The following NRDC variants were observed in gnomAD, a reference collection of about 807,000 sequenced individuals.
NRDC encodes nardilysin.
In NRDC, 54 loss-of-function variants were observed where a neutral mutation model predicts 147.1. That is an observed-to-expected ratio of 0.37 (90% CI 0.29 to 0.46). The LOEUF (loss-of-function observed/expected upper bound fraction) is 0.46, where lower values mean the gene tolerates loss of function less well. Ranked by LOEUF, NRDC falls within the 20% of genes least tolerant of loss-of-function variation. The pLI is 1.00. For missense variants in NRDC, 1,082 were observed against 1,370.6 expected (o/e 0.79, Z 3.33); for synonymous variants, 440 against 482.1 (o/e 0.91, Z 1.14).
intron 20 of NRDC, among the ~76,000 whole-genome samples, chr1:51,803,497 A>G (rs999369724): frequency 6.7e-6 from 1 of 148,402 alleles, no homozygotes; most frequent in Non-Finnish European, 1.5e-5. Flanking sequence ...AAAAAAGGTT[A>G]TTCCTGTATG....
At chr1:51,797,215 T>A (rs1370431430) in intron 22 of NRDC, among the ~76,000 whole-genome samples, 1 of 151,836 alleles carries the variant, frequency 6.6e-6, no homozygotes. Context: ...AAAAAAGGGG[T>A]ACAGTTCAAT....
intron 1 of NRDC, among the ~76,000 whole-genome samples, chr1:51,863,744 T>C (rs865975244): frequency 6.6e-6 from 1 of 152,172 alleles, no homozygotes; most frequent in Non-Finnish European, 1.5e-5. Context: ...ATCTATTTAA[T>C]CTATAATAAT....
At chr1:51,866,951 T>C (rs1387661058) in intron 1 of NRDC, among the ~76,000 whole-genome samples, 2 of 152,174 alleles carry the variant, frequency 1.3e-5, no homozygotes, top group Non-Finnish European at 2.9e-5. Context: ...TGTTTCTATA[T>C]ATATGTATGT....
intron 14 of NRDC, among the ~76,000 whole-genome samples, chr1:51,812,487 C>T (rs1457075941): frequency 6.6e-6 from 1 of 151,884 alleles, no homozygotes; most frequent in African/African-American, 2.4e-5. Context: ...GAGATCGTGC[C>T]ACCATACTCC....
intron 19 of NRDC, among the ~76,000 whole-genome samples, 163 bp from the exon 20 acceptor site, chr1:51,804,127 TGTATTACA>T (rs1214646462): frequency 6.6e-6 from 1 of 152,182 alleles, no homozygotes. Context: ...GTTTCAGAGG[TGTATTACA>T]GAATTCCTAC....
intron 22 of NRDC, 197 bp downstream of exon 22, chr1:51,798,052 G>T: frequency 1.9e-6 from 1 of 527,826 alleles, no homozygotes; most frequent in Non-Finnish European, 3.3e-6. Context: ...TTACAGGCGT[G>T]AGCCATCATT....
At chr1:51,797,967 A>G (rs1285866989) in intron 22 of NRDC, 7 of 303,744 alleles carry the variant, frequency 2.3e-5, no homozygotes, top group Admixed American at 2.3e-4. Flanking sequence ...ATGAGTTCTC[A>G]CTGTGTTGCC....
chr1:51,793,201 G>C (rs1678733778), intron 24 of NRDC, among the ~76,000 whole-genome samples: 1 of 152,244 alleles, frequency 6.6e-6, no homozygotes, highest in South Asian at 2.1e-4. Flanking sequence ...GTTTGTATTA[G>C]AAGCTAGTGC....
intron 11 of NRDC, chr1:51,816,087 T>C (rs1469052719): frequency 3.7e-6 from 1 of 269,382 alleles, no homozygotes; most frequent in East Asian, 6.8e-5. Context: ...AAATTTTGTG[T>C]ACAAATAACT....
At chr1:51,850,700 CAGCAAAAGGATCTGCGGGCACACAG>C (rs1681905655) in intron 1 of NRDC, among the ~76,000 whole-genome samples, 1 of 152,166 alleles carries the variant, frequency 6.6e-6, no homozygotes, top group Non-Finnish European at 1.5e-5. Context: ...CCTGAACTCC[CAGCAAAAGGATCTGCGGGCACACAG>C]ACCTCAGATA....
chr1:51,790,780 A>G (rs1030508860), intron 28 of NRDC, 120 bp downstream of exon 28: 1 of 963,784 alleles, frequency 1.0e-6, no homozygotes, highest in Non-Finnish European at 1.6e-6. Flanking sequence ...CTAGGGAGAC[A>G]CTATTGTAAG....
chr1:51,867,313 C>G (rs1682859669), intron 1 of NRDC, among the ~76,000 whole-genome samples: 1 of 151,914 alleles, frequency 6.6e-6, no homozygotes, highest in Non-Finnish European at 1.5e-5. Context: ...AAGCAGTAAA[C>G]AAAACTAATT....
chr1:51,814,329 C>A, intron 13 of NRDC: 1 of 574,530 alleles, frequency 1.7e-6, no homozygotes, highest in East Asian at 2.8e-5. Context: ...GAAGCATCAA[C>A]AATAAAAGAG....
intron 2 of NRDC, chr1:51,837,647 T>A: frequency 6.8e-7 from 1 of 1,467,200 alleles, no homozygotes; most frequent in East Asian, 2.4e-5. Flanking sequence ...TACTTGAGAA[T>A]TTTCTACCTA....
At chr1:51,857,156 T>C (rs1682294234) in intron 1 of NRDC, among the ~76,000 whole-genome samples, 1 of 152,232 alleles carries the variant, frequency 6.6e-6, no homozygotes, top group Admixed American at 6.5e-5. Flanking sequence ...TAAAGGTTTC[T>C]CTGTACACAG....
chr1:51,857,058 A>T (rs1353917031), intron 1 of NRDC, among the ~76,000 whole-genome samples: 1 of 152,242 alleles, frequency 6.6e-6, no homozygotes, highest in Non-Finnish European at 1.5e-5. Flanking sequence ...GTTACAAGAC[A>T]GGAACAGTGG....
At chr1:51,825,593 CAG>C (rs1223090514) in intron 5 of NRDC, among the ~76,000 whole-genome samples, 1 of 152,140 alleles carries the variant, frequency 6.6e-6, no homozygotes, top group African/African-American at 2.4e-5. Flanking sequence ...TTCAGCTTAC[CAG>C]AGTCTTACTC....
intron 1 of NRDC, among the ~76,000 whole-genome samples, chr1:51,843,706 A>T (rs990469586): frequency 6.6e-6 from 1 of 152,186 alleles, no homozygotes; most frequent in African/African-American, 2.4e-5. Context: ...TCCCTTACAC[A>T]ACCCAACAGC....
intron 22 of NRDC, among the ~76,000 whole-genome samples, chr1:51,796,407 G>T: frequency 6.6e-6 from 1 of 151,202 alleles, no homozygotes; most frequent in East Asian, 2.0e-4. Context: ...ACCTGGCTAA[G>T]TTTTGCATTT....
Sources: allele counts gnomAD v4.1 joint callset (sites outside exome capture counted in the v4.1 genomes callset), GRCh38; gene constraint gnomAD v4.1.1; transcripts MANE v1.5; gene names NCBI Gene and HGNC (gene_info 2026-07-23, HGNC 2026-07-21).